Variants in MGST3 observed in about 807,000 individuals in gnomAD.
MGST3 encodes microsomal glutathione S-transferase 3, also known as glutathione S-transferase 3, mitochondrial.
Under a neutral mutation model 15.8 loss-of-function variants are expected in MGST3, and 13 were observed. That is an observed-to-expected ratio of 0.82 (90% CI 0.54 to 1.31). The LOEUF (loss-of-function observed/expected upper bound fraction) is 1.31. Among genes scored for constraint, MGST3 ranks in the 50% most tolerant of loss-of-function variants. MGST3 has a pLI of 0.00. For synonymous variants in MGST3, 49 were observed against 68.1 expected (o/e 0.72, Z 1.38); for missense variants, 155 against 192.4 (o/e 0.81, Z 1.15).
intron 4 of MGST3, among the ~76,000 whole-genome samples, chr1:165,652,602 G>A (rs1397877232): frequency 6.6e-6 from 1 of 152,154 alleles, no homozygotes; most frequent in Non-Finnish European, 1.5e-5. Context: ...CAGGGAGGGG[G>A]GCTTTGCTGA....
At chr1:165,632,060 G>A (rs762278848) in intron 1 of MGST3, 1 of 593,942 alleles carries the variant, frequency 1.7e-6, no homozygotes, top group Non-Finnish European at 3.1e-6. Flanking sequence ...TCCTTAGTGA[G>A]TCATTCCCCG....
At chr1:165,652,101 A>T (rs1648577776) in intron 4 of MGST3, 66 bp downstream of exon 4, 3 of 1,122,944 alleles carry the variant, frequency 2.7e-6, no homozygotes, top group Non-Finnish European at 4.1e-6. Context: ...CAGGGACAGA[A>T]GAAGGAAATA....
chr1:165,640,980 C>G (rs1021695685), intron 1 of MGST3, among the ~76,000 whole-genome samples: 1 of 151,982 alleles, frequency 6.6e-6, no homozygotes, highest in Admixed American at 6.6e-5. Context: ...GTCAGGAGTT[C>G]GAGACCAGCC....
At chr1:165,648,047 A>T (rs899406036) in intron 1 of MGST3, among the ~76,000 whole-genome samples, 2 of 152,230 alleles carry the variant, frequency 1.3e-5, no homozygotes, top group African/African-American at 4.8e-5. Flanking sequence ...TTTATTTTCA[A>T]AGAGGTGTTC....
chr1:165,651,876 C>CA (rs1648566607), intron 3 of MGST3, 102 bp from the exon 4 acceptor site: 1 of 676,370 alleles, frequency 1.5e-6, no homozygotes, highest in East Asian at 3.2e-5. Flanking sequence ...GCCTGGGTGA[C>CA]AGAGACACTC....
Position 165,651,365 on chromosome 1 carries a change from G to A in MGST3, c.191+278G>A, listed in dbSNP as rs2271657. ...TTTTGCAGCATGACCCATCTAAACC[G>A]ATGTTGACTCTCCCAGGCCTAGGGA... On this transcript the variant is annotated intron_variant, in intron 3 of 5. Coordinates refer to ENST00000367889, the MANE Select transcript of MGST3 (RefSeq NM_004528.4). The A allele has an allele frequency of 1.4e-5, 7 of 489,536 alleles. No individual in the cohort carries two copies. The East Asian group carries it at 2.3e-4, about 16-fold the overall frequency. The allele number at this position is 489,536 out of a possible 1,614,324, so 30.3% of individuals were successfully genotyped here.
chr1:165,654,151 TG>T, intron 4 of MGST3, 127 bp from the exon 5 acceptor site: 1 of 820,786 alleles, frequency 1.2e-6, no homozygotes, highest in Non-Finnish European at 2.1e-6. Context: ...CTAATTTGCG[TG>T]GGGAGTAGTT....
chr1:165,655,241 G>A, intron 5 of MGST3, 127 bp from the exon 6 acceptor site: 1 of 1,198,886 alleles, frequency 8.3e-7, no homozygotes, highest in South Asian at 1.3e-5. Context: ...TAAAGAGTTA[G>A]TTAACCTCCT....
Position 165,636,538 on chromosome 1 carries a change from C to A in MGST3, c.-8+5245C>A, listed in dbSNP as rs770797690. ...ATCACCTGAGGTCAGGAGTTCGAGA[C>A]CAGTCTGATCAACATGGTAAAAACC... On this transcript the variant is annotated intron_variant, in intron 1 of 5. Transcript: ENST00000367889. Among the ~76,000 whole-genome samples, 3 of 152,010 alleles carry A rather than the reference C, an allele frequency of 2.0e-5. 1 individual carries two copies.
intron 1 of MGST3, among the ~76,000 whole-genome samples, chr1:165,644,732 A>G (rs192199607): frequency 6.6e-6 from 1 of 152,306 alleles, no homozygotes; most frequent in African/African-American, 2.4e-5. Context: ...TTGTAACTGC[A>G]TAAAAATTGT....
At chr1:165,642,553 G>T (rs978699151) in intron 1 of MGST3, among the ~76,000 whole-genome samples, 1 of 152,114 alleles carries the variant, frequency 6.6e-6, no homozygotes, top group Admixed American at 6.5e-5. Context: ...AAACATCCCC[G>T]TTGAGTCAGG....
intron 3 of MGST3, chr1:165,651,365 G>C (rs2271657): frequency 0.2 from 95,985 of 489,106 alleles, 10,327 homozygotes; most frequent in Middle Eastern, 0.25. Flanking sequence ...CATCTAAACC[G>C]ATGTTGACTC....
intron 1 of MGST3, among the ~76,000 whole-genome samples, chr1:165,634,000 T>C (rs182977637): frequency 6.6e-6 from 1 of 152,052 alleles, no homozygotes; most frequent in Non-Finnish European, 1.5e-5. Context: ...AAAGAAAACA[T>C]TCCTTGTTTG....
At chr1:165,655,250 C>T (rs1033670278) in intron 5 of MGST3, 118 bp from the exon 6 acceptor site, 1 of 1,339,300 alleles carries the variant, frequency 7.5e-7, no homozygotes, top group East Asian at 2.4e-5. Flanking sequence ...AGTTAACCTC[C>T]TAAGGCCAGT....
chr1:165,633,013 A>G (rs571629245), intron 1 of MGST3, among the ~76,000 whole-genome samples: 1 of 152,344 alleles, frequency 6.6e-6, no homozygotes, highest in South Asian at 2.1e-4. Context: ...CTGAATCTAT[A>G]TTTAGAACAC....
At chr1:165,652,433 T>C (rs528953076) in intron 4 of MGST3, among the ~76,000 whole-genome samples, 35 of 152,080 alleles carry the variant, frequency 2.3e-4, no homozygotes, top group African/African-American at 8.2e-4. Flanking sequence ...CCTGGTTTCA[T>C]AGAGCTTGCC....
intron 4 of MGST3, 75 bp downstream of exon 4, chr1:165,652,110 T>TAAACATTTAATGAATA: frequency 9.4e-7 from 1 of 1,059,798 alleles, no homozygotes; most frequent in Non-Finnish European, 1.5e-6. Context: ...AAGAAGGAAA[T>TAAACATTTAATGAATA]AAACATTTAA....
intron 1 of MGST3, among the ~76,000 whole-genome samples, chr1:165,637,986 A>C (rs1024300416): frequency 2.0e-5 from 3 of 152,102 alleles, no homozygotes; most frequent in African/African-American, 7.2e-5. Flanking sequence ...AGGGCATGTT[A>C]GTCTCCTAAT....
chr1:165,653,492 ATCAAC>A (rs1648619680), intron 4 of MGST3, among the ~76,000 whole-genome samples: 1 of 152,178 alleles, frequency 6.6e-6, no homozygotes, highest in East Asian at 1.9e-4. Context: ...GTTACCCAAA[ATCAAC>A]TCAAACAAAC....
Sources: allele counts gnomAD v4.1 joint callset (sites outside exome capture counted in the v4.1 genomes callset), GRCh38; gene constraint gnomAD v4.1.1; transcripts MANE v1.5; gene names NCBI Gene and HGNC (gene_info 2026-07-23, HGNC 2026-07-21).